EYA1: variants seen among roughly 807,000 people sequenced by gnomAD.
EYA1 encodes EYA transcriptional coactivator and phosphatase 1.
EYA1 carries 16 observed loss-of-function variants against 82.0 expected under a neutral mutation model. The ratio of observed to expected loss-of-function variants is 0.20; its 90% CI spans 0.13 to 0.30. EYA1 has a LOEUF of 0.30. Ranked by LOEUF, EYA1 falls within the 10% of genes least tolerant of loss-of-function variation. EYA1 has a pLI of 1.00. For missense variants in EYA1, 633 were observed against 730.7 expected (o/e 0.87, Z 1.54); for synonymous variants, 261 against 264.4 (o/e 0.99, Z 0.12).
chr8:71,250,836 T>G (rs1454429046), intron 11 of EYA1, among the ~76,000 whole-genome samples: 1 of 152,108 alleles, frequency 6.6e-6, no homozygotes, highest in Admixed American at 6.5e-5. Flanking sequence ...AATAAATGAA[T>G]GAAAAGCAAT....
At position 71,427,144 on chromosome 8, in the gene EYA1, A is replaced by G. The variant is rs144114967; in HGVS notation, c.34-70633T>C. On this transcript the variant is annotated intron_variant, in intron 2 of 18. Transcript: ENST00000643681. The stretch of plus-strand genomic sequence containing the variant: ...ACTTAGCAATGATTTTGGGGCTACA[A>G]TTTTTGTTCTCTTGAAACATCGCAA... Among the ~76,000 whole-genome samples the G allele has an allele frequency of 1.5e-3, 232 of 152,204 alleles. 1 individual carries two copies. The highest frequency in any genetic ancestry group is 5.3e-3 in the African/African-American group (219 of 41,524).
At chr8:71,535,622 A>C (rs1308243577) in intron 2 of EYA1, 1 of 644,516 alleles carries the variant, frequency 1.6e-6, no homozygotes, top group African/African-American at 1.9e-5. Flanking sequence ...AAAATCATTA[A>C]AAATTGGTAC....
chr8:71,426,629 T>G (rs1482430415), intron 2 of EYA1, among the ~76,000 whole-genome samples: 1 of 152,250 alleles, frequency 6.6e-6, no homozygotes, highest in African/African-American at 2.4e-5. Flanking sequence ...TGGCCCTTTT[T>G]AGACCCTCTC....
chr8:71,213,522 G>A (rs1808795301), intron 16 of EYA1, among the ~76,000 whole-genome samples: 1 of 152,184 alleles, frequency 6.6e-6, no homozygotes, highest in Non-Finnish European at 1.5e-5. Context: ...GCACATAAAA[G>A]TTCTGGTTAT....
At chr8:71,365,188 C>A (rs548064199), upstream of EYA1, among the ~76,000 whole-genome samples, 1 of 151,298 alleles carries the variant, frequency 6.6e-6, no homozygotes, top group African/African-American at 2.4e-5. Context: ...CAAATAAACA[C>A]GAGAAAACAA....
chr8:71,405,509 A>G (rs969077441), intron 2 of EYA1, among the ~76,000 whole-genome samples: 18 of 152,218 alleles, frequency 1.2e-4, no homozygotes, highest in Admixed American at 1.2e-3. Context: ...GCCCTTGATT[A>G]TAGAGGAAGT....
intron 9 of EYA1, among the ~76,000 whole-genome samples, chr8:71,286,545 T>C (rs75577303): frequency 0.059 from 8,974 of 152,234 alleles, 351 homozygotes; most frequent in African/African-American, 0.11. Flanking sequence ...GAAGGTGTTA[T>C]TGCTTGGTTG....
chr8:71,304,078 AT>A (rs1820478667), intron 7 of EYA1, among the ~76,000 whole-genome samples: 1 of 86,846 alleles, frequency 1.2e-5, no homozygotes, highest in African/African-American at 3.7e-5. Context: ...AATAATTTAT[AT>A]TTATATCTTG....
At chr8:71,545,278 A>G (rs528672288) in intron 1 of EYA1, among the ~76,000 whole-genome samples, 5 of 152,382 alleles carry the variant, frequency 3.3e-5, no homozygotes, top group Admixed American at 3.3e-4. Flanking sequence ...TGAGTGTATA[A>G]GCACTTCATA....
At chr8:71,201,253 C>T (rs1806969657) in intron 17 of EYA1, among the ~76,000 whole-genome samples, 1 of 150,116 alleles carries the variant, frequency 6.7e-6, no homozygotes, top group African/African-American at 2.5e-5. Flanking sequence ...AAAAAAACAA[C>T]CTGAGGCTTA....
intron 11 of EYA1, among the ~76,000 whole-genome samples, chr8:71,245,658 T>C (rs1585973964): frequency 1.3e-5 from 2 of 152,290 alleles, no homozygotes; most frequent in East Asian, 1.9e-4. Flanking sequence ...CCCTGCACTA[T>C]AGGTTAATTT....
chr8:71,294,381 C>T (rs919763304), intron 9 of EYA1, among the ~76,000 whole-genome samples: 2 of 151,982 alleles, frequency 1.3e-5, no homozygotes, highest in African/African-American at 4.8e-5. Context: ...ATGGCGTGAA[C>T]CCCGGGGGGC....
chr8:71,451,111 A>G (rs901914422), intron 2 of EYA1, among the ~76,000 whole-genome samples: 1 of 152,218 alleles, frequency 6.6e-6, no homozygotes, highest in African/African-American at 2.4e-5. Flanking sequence ...ACATATTTTT[A>G]TTCAATGCTG....
chr8:71,428,394 T>C (rs1219601500), intron 2 of EYA1, among the ~76,000 whole-genome samples: 4 of 152,202 alleles, frequency 2.6e-5, no homozygotes, highest in Non-Finnish European at 5.9e-5. Context: ...ATTACAAAAC[T>C]AAAACAATCT....
At chr8:71,434,440 T>C (rs958101369) in intron 2 of EYA1, among the ~76,000 whole-genome samples, 1 of 152,192 alleles carries the variant, frequency 6.6e-6, no homozygotes, top group African/African-American at 2.4e-5. Flanking sequence ...GAAAGCTTTA[T>C]ACAATTAGAT....
intron 7 of EYA1, among the ~76,000 whole-genome samples, chr8:71,309,258 G>A (rs1821068203): frequency 1.3e-5 from 2 of 152,014 alleles, no homozygotes. Flanking sequence ...ACTAATTATT[G>A]CTGTGCCTAG....
At chr8:71,413,510 C>T (rs535958783) in intron 2 of EYA1, among the ~76,000 whole-genome samples, 3 of 152,336 alleles carry the variant, frequency 2.0e-5, no homozygotes, top group Admixed American at 1.3e-4. Flanking sequence ...TAAACACCTA[C>T]ACACAAAATT....
At chr8:71,398,976 A>G (rs992119091) in intron 2 of EYA1, among the ~76,000 whole-genome samples, 3 of 151,972 alleles carry the variant, frequency 2.0e-5, no homozygotes, top group South Asian at 2.1e-4. Context: ...TTGTTTACCT[A>G]CTCAAGCCAC....
intron 12 of EYA1, among the ~76,000 whole-genome samples, chr8:71,244,340 C>T (rs1013161945): frequency 4.6e-5 from 7 of 152,174 alleles, no homozygotes; most frequent in Non-Finnish European, 1.0e-4. Context: ...AAATATGTGG[C>T]TTCTGATAAT....
Sources: gnomAD v4.1 joint callset for allele counts (sites outside exome capture counted in the v4.1 genomes callset) on GRCh38, gnomAD v4.1.1 for gene constraint, MANE v1.5 for transcripts, NCBI Gene and HGNC (gene_info 2026-07-23, HGNC 2026-07-21) for gene names.